SDCCAG8: variants seen among roughly 807,000 people sequenced by gnomAD.
SDCCAG8 encodes the protein serologically defined colon cancer antigen 8.
In SDCCAG8, 74 loss-of-function variants were observed where a neutral mutation model predicts 101.8. That is an observed-to-expected ratio of 0.73 (90% confidence interval 0.60 to 0.88). The LOEUF is 0.88. Ranked by LOEUF, SDCCAG8 falls within the 40% of genes least tolerant of loss-of-function variation. SDCCAG8 has a pLI of 0.00. For missense variants in SDCCAG8, 787 were observed against 822.6 expected (o/e 0.96, Z 0.53); for synonymous variants, 281 against 292.9 (o/e 0.96, Z 0.41).
At chr1:243,468,252 G>A (rs996014990) in intron 16 of SDCCAG8, among the ~76,000 whole-genome samples, 2 of 148,210 alleles carry the variant, frequency 1.3e-5, no homozygotes, top group African/African-American at 2.5e-5. Context: ...GGAGTCAGCT[G>A]TGTCACCCAG....
chr1:243,468,176 C>T (rs1477073124), intron 16 of SDCCAG8, among the ~76,000 whole-genome samples: 1 of 151,822 alleles, frequency 6.6e-6, no homozygotes, highest in Admixed American at 6.6e-5. Flanking sequence ...TTTCCCTGTC[C>T]ATAAAATGAG....
intron 14 of SDCCAG8, 93 bp downstream of exon 14, chr1:243,415,922 TTGGC>T: frequency 6.7e-7 from 1 of 1,493,230 alleles, no homozygotes; most frequent in Non-Finnish European, 9.1e-7. Flanking sequence ...CCTGTAACCT[TTGGC>T]TGGCCGAAGG....
chr1:243,317,900 G>A, intron 9 of SDCCAG8: 1 of 336,592 alleles, frequency 3.0e-6, no homozygotes, highest in South Asian at 2.3e-5. Flanking sequence ...GAAAAGTTTT[G>A]TTGGATAGCA....
rs187887703 is a variant in SDCCAG8, at chr1:243,438,895, G to C, written c.1985+12337G>C. Among the ~76,000 whole-genome samples the C allele has an allele frequency of 6.8e-4, 104 of 152,234 alleles. 1 individual carries two copies. The highest frequency in any genetic ancestry group is 1.9e-4 in the East Asian group (1 of 5,178). On this transcript the variant is annotated intron_variant, in intron 16 of 17. Coordinates refer to ENST00000366541, the MANE Select transcript of SDCCAG8 (RefSeq NM_006642.5). Reference sequence around the variant, plus strand: ...ATTATCCAACTACTTCCATTCCTATGACATTCCTCTGGTTTGTATCTTTCC... The same window carrying C: ...ATTATCCAACTACTTCCATTCCTATCACATTCCTCTGGTTTGTATCTTTCC...
At chr1:243,384,238 A>G (rs891866199) in intron 13 of SDCCAG8, among the ~76,000 whole-genome samples, 8 of 152,216 alleles carry the variant, frequency 5.3e-5, no homozygotes, top group African/African-American at 1.7e-4. Context: ...CCCCTGGCTC[A>G]TCACTTTGCA....
At chr1:243,257,684 A>G (rs891060754) in intron 1 of SDCCAG8, among the ~76,000 whole-genome samples, 4 of 152,230 alleles carry the variant, frequency 2.6e-5, no homozygotes, top group African/African-American at 9.6e-5. Flanking sequence ...TGTGTTAACA[A>G]ACTGTCGACA....
intron 16 of SDCCAG8, among the ~76,000 whole-genome samples, chr1:243,472,525 A>G (rs1035689680): frequency 6.6e-6 from 1 of 152,244 alleles, no homozygotes; most frequent in Non-Finnish European, 1.5e-5. Context: ...TGCAGCATCC[A>G]GGTTAAAAAT....
intron 16 of SDCCAG8, among the ~76,000 whole-genome samples, chr1:243,439,770 A>T (rs2082407631): frequency 6.6e-6 from 1 of 152,226 alleles, no homozygotes. Context: ...CACATAGCTA[A>T]TATGTGGCAT....
At chr1:243,350,621 C>T (rs1455773522) in intron 12 of SDCCAG8, among the ~76,000 whole-genome samples, 4 of 152,180 alleles carry the variant, frequency 2.6e-5, no homozygotes, top group African/African-American at 9.7e-5. Context: ...TTCACATCTT[C>T]AAGGATTTGA....
intron 16 of SDCCAG8, among the ~76,000 whole-genome samples, chr1:243,465,315 A>C (rs2148172170): frequency 6.6e-6 from 1 of 152,310 alleles, no homozygotes; most frequent in East Asian, 1.9e-4. Context: ...CCTTCTGTGG[A>C]GCATCTGAGA....
rs1257165090 is a variant in SDCCAG8, at chr1:243,307,915, C to T, written c.741-74C>T. The T allele has an allele frequency of 6.9e-6, 11 of 1,600,390 alleles. No individual in the cohort carries two copies. In the Admixed American group the frequency reaches 1.3e-4, roughly 19 times the overall value. ...ACCCATAAACGATAGTAGTAGTTAACATTATGATGATTCATTTTAAAGTCA... is the reference window on the plus strand; with the variant it reads ...ACCCATAAACGATAGTAGTAGTTAATATTATGATGATTCATTTTAAAGTCA... On this transcript the variant is annotated intron_variant, in intron 7 of 17. Coordinates refer to ENST00000366541, the MANE Select transcript of SDCCAG8 (RefSeq NM_006642.5).
At chr1:243,484,665 T>G (rs1356673483) in intron 16 of SDCCAG8, among the ~76,000 whole-genome samples, 1 of 152,162 alleles carries the variant, frequency 6.6e-6, no homozygotes, top group Non-Finnish European at 1.5e-5. Context: ...CAAGTGAGTC[T>G]CTCCTCCATT....
intron 16 of SDCCAG8, among the ~76,000 whole-genome samples, chr1:243,452,414 CTT>C (rs71574667): frequency 9.9e-4 from 66 of 66,654 alleles, no homozygotes; most frequent in African/African-American, 3.5e-3. Context: ...GATCTCATCT[CTT>C]TTTTTTTTTT....
chr1:243,470,720 G>A (rs921858112), intron 16 of SDCCAG8, among the ~76,000 whole-genome samples: 8 of 152,050 alleles, frequency 5.3e-5, no homozygotes, highest in East Asian at 3.9e-4. Context: ...TTCCTTGACC[G>A]AAAAGAAGAG....
chr1:243,274,746 T>C (rs915671036), intron 4 of SDCCAG8, 90 bp downstream of exon 4: 22 of 767,168 alleles, frequency 2.9e-5, no homozygotes, highest in Non-Finnish European at 3.8e-5. Context: ...TAAATCTTCA[T>C]GTTTGTAGCA....
At position 243,495,361 on chromosome 1, in the gene SDCCAG8, G is replaced by A. The variant is rs148680141; in HGVS notation, c.2113-4395G>A. On this transcript the variant is annotated intron_variant, in intron 17 of 17. Transcript: ENST00000366541. ...ACCTTTCCATTCCTCTGGTTTCTGC[G>A]GCCCTGTTCCTTTCTCGGAGCCCAG... Among the ~76,000 whole-genome samples, 717 of 152,306 alleles carry A rather than the reference G, an allele frequency of 4.7e-3. 1 individual carries two copies. Among genetic ancestry groups the A allele is most frequent in the African/African-American group, 0.015 (637 of 41,572 alleles).
At chr1:243,297,371 G>A (rs2071034698) in intron 6 of SDCCAG8, among the ~76,000 whole-genome samples, 1 of 152,216 alleles carries the variant, frequency 6.6e-6, no homozygotes, top group Admixed American at 6.5e-5. Context: ...GCTATTGTGA[G>A]CAGTGCTGCT....
At chr1:243,487,892 A>C (rs1665358537) in intron 16 of SDCCAG8, 1 of 152,734 alleles carries the variant, frequency 6.5e-6, no homozygotes, top group Non-Finnish European at 1.5e-5. Context: ...CGTTCTGGGG[A>C]AGGGTCAGGG....
intron 16 of SDCCAG8, among the ~76,000 whole-genome samples, chr1:243,467,298 G>T (rs933669600): frequency 2.0e-5 from 3 of 152,222 alleles, no homozygotes; most frequent in Admixed American, 6.5e-5. Flanking sequence ...GAAATCAGGA[G>T]TGTGGAAGCT....
Sources: gnomAD v4.1 joint callset for allele counts (sites outside exome capture counted in the v4.1 genomes callset) on GRCh38, gnomAD v4.1.1 for gene constraint, MANE v1.5 for transcripts, NCBI Gene and HGNC (gene_info 2026-07-23, HGNC 2026-07-21) for gene names.